The following STARD9 variants were observed in gnomAD, a reference collection of about 807,000 sequenced individuals.
STARD9 encodes StAR related lipid transfer domain containing 9.
STARD9 carries 346 observed loss-of-function variants against 399.8 expected under a neutral mutation model. The observed-to-expected ratio is 0.87, with a 90% CI of 0.79 to 0.95. STARD9 has a LOEUF of 0.95. STARD9 is among the 40% of genes least tolerant of loss of function. The pLI is 0.00. For synonymous variants in STARD9, 2,203 were observed against 2,143.5 expected, an observed-to-expected ratio of 1.03 and a Z score of -0.77; for missense variants, 5,832 against 5,667.5, an observed-to-expected ratio of 1.03 and a Z score of -0.93.
chr15:42,674,667 A>G (rs2060273378), intron 17 of STARD9, among the ~76,000 whole-genome samples, 160 bp from the exon 18 acceptor site: 1 of 152,040 alleles, frequency 6.6e-6, no homozygotes, highest in Non-Finnish European at 1.5e-5. Flanking sequence ...AGACCCACGC[A>G]GTGGGAGGAT....
intron 18 of STARD9, chr15:42,675,450 C>G (rs1304662655): frequency 1.1e-5 from 6 of 551,722 alleles, no homozygotes; most frequent in Non-Finnish European, 1.9e-5. Flanking sequence ...TGGAACTCAA[C>G]TTCCTTTCCC....
chr15:42,575,897 C>G, intron 1 of STARD9, 135 bp downstream of exon 1: 1 of 965,344 alleles, frequency 1.0e-6, no homozygotes, highest in Non-Finnish European at 1.6e-6. Flanking sequence ...GGTCCGGAAT[C>G]CACGGAGGCC....
intron 2 of STARD9, among the ~76,000 whole-genome samples, chr15:42,585,247 A>G (rs1278766833): frequency 1.3e-5 from 2 of 152,238 alleles, no homozygotes; most frequent in Admixed American, 6.5e-5. Context: ...CCAGAGCGGG[A>G]GAGGCTTTCT....
In STARD9 at chr15:42,692,707, C is replaced by G; in HGVS notation, c.11129C>G (p.Thr3710Ser). The change falls in exon 23 of 33, where the codon ACC becomes AGC. Residue 3710 changes from threonine to serine, a missense_variant. By Grantham distance (58) the Thr-to-Ser change is moderately conservative. Around this residue, in one of 2 missense-constraint regions of STARD9, gnomAD observed 5,828 missense variants for 5,651.1 expected, o/e 1.03. Transcript: ENST00000290607. ...QPDVARREQN[T>S]KRDIPDKAPQ... is the part of the protein sequence containing the mutation. ...GATGTGGCCAGAAGGGAGCAGAACA[C>G]CAAGAGGGACATCCCAGATAAAGCC... The G allele has an allele frequency of 6.5e-7, 1 of 1,537,024 alleles. No individual in the cohort carries two copies. Among genetic ancestry groups the G allele is most frequent in the Non-Finnish European group, 8.7e-7 (1 of 1,146,872 alleles).
rs769959940 is a variant in STARD9, at chr15:42,638,047, G to A, written c.406G>A (p.Asp136Asn). 56 of 1,537,278 alleles carry A rather than the reference G, an allele frequency of 3.6e-5. No homozygotes were observed. The highest frequency in any genetic ancestry group is 4.8e-5 in the Non-Finnish European group (55 of 1,146,946). Residue 136 changes from aspartate to asparagine, a missense_variant, in exon 6 of 33, where the codon GAC becomes AAC. Transcript: ENST00000290607. ...ICEGLFVREK[D>N]CASLPSSCRI... ...GCAGGGTCTCTTCGTCAGGGAGAAA[G>A]ACTGTGCCTCACTGCCTTCCTCCTG...
chr15:42,702,142 A>T (rs2060978565), intron 26 of STARD9, among the ~76,000 whole-genome samples: 1 of 152,106 alleles, frequency 6.6e-6, no homozygotes, highest in Non-Finnish European at 1.5e-5. Context: ...AGCAGACTCC[A>T]CACTGATAAT....
intron 4 of STARD9, 38 bp downstream of exon 4, chr15:42,635,010 C>G (rs1363756204): frequency 8.4e-7 from 1 of 1,186,676 alleles, no homozygotes; most frequent in Non-Finnish European, 1.2e-6. Flanking sequence ...AATGCCACAG[C>G]AAGCCTGAAC....
chr15:42,690,826 GGGTTCCTGAGAAAAA>G lies in STARD9; in HGVS notation c.9253_9267del (p.Pro3085_Val3089del), dbSNP rs965369864. ...ACTGATGGAAGCGTGGGGTTAATAG[GGGTTCCTGAGAAAAA>G]GGTTGCTGAGAAGCAAGCAAGCACA... On this transcript the variant is annotated inframe_deletion, in exon 23 of 33. Transcript: ENST00000290607. The G allele has an allele frequency of 3.0e-5, 46 of 1,537,062 alleles. No individual in the cohort carries two copies. Among genetic ancestry groups the G allele is most frequent in the Middle Eastern group, 1.7e-4 (1 of 6,012 alleles).
intron 3 of STARD9, among the ~76,000 whole-genome samples, chr15:42,591,344 C>T (rs2058388525): frequency 6.6e-6 from 1 of 152,164 alleles, no homozygotes; most frequent in African/African-American, 2.4e-5. Context: ...AGAAAATAGC[C>T]AGGCATGGTG....
At chr15:42,603,357 T>C (rs1211852054) in intron 3 of STARD9, among the ~76,000 whole-genome samples, 2 of 152,092 alleles carry the variant, frequency 1.3e-5, no homozygotes, top group Admixed American at 6.5e-5. Flanking sequence ...CCTGACCCTG[T>C]GATCCTCTCA....
At chr15:42,649,252 ACTC>A (rs1279278168) in intron 7 of STARD9, among the ~76,000 whole-genome samples, 2 of 148,432 alleles carry the variant, frequency 1.3e-5, no homozygotes, top group African/African-American at 2.5e-5. Flanking sequence ...CTGGTCTTGA[ACTC>A]CTGACCTCAT....
chr15:42,581,526 A>G, intron 1 of STARD9: 1 of 1,379,554 alleles, frequency 7.2e-7, no homozygotes. Context: ...TGTGGCGGGT[A>G]GGCGGCGGCG....
At chr15:42,639,162 G>T (rs1447287597) in intron 7 of STARD9, among the ~76,000 whole-genome samples, 2 of 152,234 alleles carry the variant, frequency 1.3e-5, no homozygotes, top group Non-Finnish European at 2.9e-5. Context: ...GACCTGAAAG[G>T]AGTATAGTCG....
At chr15:42,627,375 A>G (rs1381074480) in intron 3 of STARD9, among the ~76,000 whole-genome samples, 1 of 152,216 alleles carries the variant, frequency 6.6e-6, no homozygotes, top group Non-Finnish European at 1.5e-5. Flanking sequence ...ACAGGCATAC[A>G]ATGCGTAGTA....
chr15:42,689,298 G>A lies in STARD9; in HGVS notation c.7720G>A (p.Val2574Ile). 6.5e-7 allele frequency: 1 copy of A among 1,537,254 alleles called. No individual in the cohort carries two copies. The highest frequency in any genetic ancestry group is 8.7e-7 in the Non-Finnish European group (1 of 1,146,920). ...QLHDFVARGT[V>I]LSYCETLLEP... Reference sequence around the variant, plus strand: ...TCATGACTTTGTGGCCAGGGGCACAGTCCTTTCTTACTGTGAAACTTTACT... The same window carrying A: ...TCATGACTTTGTGGCCAGGGGCACAATCCTTTCTTACTGTGAAACTTTACT... The change falls in exon 23 of 33, where the codon GTC becomes ATC. Residue 2574 changes from valine to isoleucine, a missense_variant. Physicochemically the swap from Val to Ile is conservative, Grantham distance 29. Coordinates refer to ENST00000290607, the MANE Select transcript of STARD9 (RefSeq NM_020759.3).
At chr15:42,582,449 A>G (rs2058194038) in intron 1 of STARD9, among the ~76,000 whole-genome samples, 1 of 152,216 alleles carries the variant, frequency 6.6e-6, no homozygotes, top group African/African-American at 2.4e-5. Flanking sequence ...AGCCCATTAA[A>G]GTGAGTGTAG....
At chr15:42,654,344 A>G (rs910558750) in intron 9 of STARD9, among the ~76,000 whole-genome samples, 2 of 150,018 alleles carry the variant, frequency 1.3e-5, no homozygotes, top group Admixed American at 1.3e-4. Flanking sequence ...TCTATAAGAA[A>G]CACACCTTAG....
intron 26 of STARD9, among the ~76,000 whole-genome samples, chr15:42,702,311 C>T (rs1157661128): frequency 6.6e-6 from 1 of 152,064 alleles, no homozygotes; most frequent in Non-Finnish European, 1.5e-5. Flanking sequence ...TCAAATGATT[C>T]TCCTGCCTCA....
Position 42,663,865 on chromosome 15 carries a change from T to A in STARD9, c.1124T>A (p.Leu375Gln). Residue 375 changes from leucine (L) to glutamine (Q), a missense_variant, in exon 13 of 33, where the codon CTG (leucine) becomes CAG (glutamine). Around this residue, in one of 2 missense-constraint regions of STARD9, gnomAD observed 5,828 missense variants for 5,651.1 expected, o/e 1.03. Transcript: ENST00000290607. ...AGCTACAGTGAGACCATGAGCACACTGAGATATGCATCCAGTGCCAAAAAC... is the reference window on the plus strand; with the variant it reads ...AGCTACAGTGAGACCATGAGCACACAGAGATATGCATCCAGTGCCAAAAAC... ...HTSYSETMST[L>Q]RYASSAKNII... 6.5e-7 allele frequency: 1 copy of A among 1,536,858 alleles called. No homozygotes were observed. Among genetic ancestry groups the A allele is most frequent in the South Asian group, 1.2e-5 (1 of 84,060 alleles).
Sources: allele counts gnomAD v4.1 joint callset (sites outside exome capture counted in the v4.1 genomes callset), GRCh38; gene constraint gnomAD v4.1.1; regional missense constraint gnomAD v4.1.1; transcripts MANE v1.5; gene names NCBI Gene and HGNC (gene_info 2026-07-23, HGNC 2026-07-21).